The following CSMD1 variants were observed in gnomAD, a reference collection of about 807,000 sequenced individuals.
CSMD1 encodes CUB and Sushi multiple domains 1.
CSMD1 carries 213 observed loss-of-function variants against 417.5 expected under a neutral mutation model. That is an observed-to-expected ratio of 0.51 (90% CI 0.46 to 0.57). The LOEUF (loss-of-function observed/expected upper bound fraction) is 0.57, where lower values mean the gene tolerates loss of function less well. Among genes scored for constraint, CSMD1 ranks in the 20% least tolerant of loss-of-function variants. The pLI, the probability that CSMD1 is intolerant of heterozygous loss-of-function variation, is 0.00. For missense variants in CSMD1, 6,923 were observed against 4,529.7 expected (o/e 1.53, Z -15.17); for synonymous variants, 2,862 against 1,736.8 (o/e 1.65, Z -16.11).
intron 2 of CSMD1, among the ~76,000 whole-genome samples, chr8:4,538,162 C>T (rs536154100): frequency 2.6e-5 from 4 of 150,962 alleles, no homozygotes; most frequent in South Asian, 2.1e-4. Flanking sequence ...ACCATGACTC[C>T]GGTGTAACAT....
chr8:3,267,142 A>C (rs1383757373), intron 26 of CSMD1, among the ~76,000 whole-genome samples: 2 of 152,164 alleles, frequency 1.3e-5, no homozygotes, highest in Non-Finnish European at 2.9e-5. Context: ...GTCCCGCGGC[A>C]GCCAGCGGGA....
intron 3 of CSMD1, among the ~76,000 whole-genome samples, chr8:4,180,599 T>G (rs899502477): frequency 2.0e-5 from 3 of 148,066 alleles, no homozygotes; most frequent in Non-Finnish European, 4.5e-5. Context: ...AAAGAAAAAA[T>G]AAAATAAAAT....
intron 31 of CSMD1, among the ~76,000 whole-genome samples, chr8:3,202,657 T>C (rs1166185472): frequency 6.6e-6 from 1 of 152,192 alleles, no homozygotes; most frequent in Non-Finnish European, 1.5e-5. Context: ...AAACAAGAAA[T>C]GGAGGTGTGT....
chr8:3,775,487 G>C (rs1480067269), intron 5 of CSMD1, among the ~76,000 whole-genome samples: 3 of 152,096 alleles, frequency 2.0e-5, no homozygotes, highest in East Asian at 1.9e-4. Flanking sequence ...AAGGACACGG[G>C]GTGAAGTTAT....
At chr8:3,877,455 C>T (rs1805900543) in intron 5 of CSMD1, among the ~76,000 whole-genome samples, 2 of 152,284 alleles carry the variant, frequency 1.3e-5, no homozygotes, top group Admixed American at 1.3e-4. Context: ...CTTAATCTAG[C>T]AGGCCCTACA....
At chr8:3,143,679 T>C (rs986982850) in intron 40 of CSMD1, among the ~76,000 whole-genome samples, 1 of 152,224 alleles carries the variant, frequency 6.6e-6, no homozygotes, top group African/African-American at 2.4e-5. Flanking sequence ...CTAACAGCAG[T>C]TGTAGAGTGT....
chr8:3,983,660 C>G (rs768104660), intron 5 of CSMD1, among the ~76,000 whole-genome samples: 8 of 152,196 alleles, frequency 5.3e-5, no homozygotes, highest in Non-Finnish European at 8.8e-5. Flanking sequence ...TGATAGAGAT[C>G]ATGTGGAGTG....
At chr8:4,260,068 A>C (rs1478906519) in intron 3 of CSMD1, among the ~76,000 whole-genome samples, 1 of 151,850 alleles carries the variant, frequency 6.6e-6, no homozygotes, top group Non-Finnish European at 1.5e-5. Flanking sequence ...GTGTTGTCTT[A>C]GAGATCACAA....
chr8:3,619,972 G>C (rs989607596), intron 7 of CSMD1, among the ~76,000 whole-genome samples: 1 of 152,102 alleles, frequency 6.6e-6, no homozygotes, highest in African/African-American at 2.4e-5. Context: ...CATGGTGGCA[G>C]GCACCTGTAA....
chr8:4,327,822 A>G (rs898985166), intron 3 of CSMD1, among the ~76,000 whole-genome samples: 1 of 152,234 alleles, frequency 6.6e-6, no homozygotes, highest in Non-Finnish European at 1.5e-5. Context: ...CTGTAAGTAT[A>G]AAGTAAGGTA....
rs557501987 is a variant in CSMD1, at chr8:3,271,722, T to G, written c.4153+12422A>C. On this transcript the variant is annotated intron_variant, in intron 26 of 69. Transcript: ENST00000635120. ...TTCATGTGTTTTTTGGCTGCATAAA[T>G]GTCTTCTTTTGAGAAGTGTCTGTTC... 8.1e-3 allele frequency among the ~76,000 whole-genome samples: 1,234 copies of G among 152,326 alleles called. 8 individuals are homozygous for G. Among genetic ancestry groups the G allele is most frequent in the Middle Eastern group, 0.02 (6 of 294 alleles).
chr8:4,077,731 C>T (rs1163449362), intron 3 of CSMD1, among the ~76,000 whole-genome samples: 1 of 152,176 alleles, frequency 6.6e-6, no homozygotes, highest in Non-Finnish European at 1.5e-5. Flanking sequence ...CAAATTTGCT[C>T]TTTATTCTCT....
chr8:3,709,759 T>G lies in CSMD1; in HGVS notation c.932-1268A>C, dbSNP rs184485898. Among the ~76,000 whole-genome samples, 11 of 138,350 alleles carry G rather than the reference T, an allele frequency of 8.0e-5. 1 individual carries two copies. In the East Asian group the frequency reaches 2.5e-3, roughly 31 times the overall value. 90.8% of individuals were successfully genotyped at this position (138,350 alleles called of 152,430 possible). ...AGCTAAAACACCGGCTTTCCTGGTC[T>G]CCAACTTGCTGACTTACCCCTTTCA... is the stretch of plus-strand genomic sequence containing the variant. On this transcript the variant is annotated intron_variant, in intron 6 of 69. Coordinates refer to ENST00000635120, the MANE Select transcript of CSMD1 (RefSeq NM_033225.6).
At chr8:4,862,832 C>T (rs1332839426) in intron 1 of CSMD1, among the ~76,000 whole-genome samples, 3 of 152,014 alleles carry the variant, frequency 2.0e-5, no homozygotes, top group African/African-American at 4.8e-5. Context: ...AGTTGAAGAC[C>T]TCCCAAGTGT....
At chr8:3,505,390 G>C (rs535679782) in intron 10 of CSMD1, among the ~76,000 whole-genome samples, 4 of 152,150 alleles carry the variant, frequency 2.6e-5, no homozygotes, top group Non-Finnish European at 4.4e-5. Context: ...AAAAGATATT[G>C]AAGTTTCTTG....
At chr8:3,544,356 T>C (rs942845740) in intron 10 of CSMD1, among the ~76,000 whole-genome samples, 1 of 152,136 alleles carries the variant, frequency 6.6e-6, no homozygotes, top group African/African-American at 2.4e-5. Flanking sequence ...TCACAAACCC[T>C]TGTAGCAAAG....
intron 3 of CSMD1, among the ~76,000 whole-genome samples, chr8:4,275,218 G>A (rs1008947276): frequency 2.0e-5 from 3 of 151,990 alleles, no homozygotes; most frequent in African/African-American, 4.8e-5. Context: ...TGTCTAGTTT[G>A]TTTTTATTGA....
chr8:2,988,509 T>C (rs182161814), intron 54 of CSMD1, among the ~76,000 whole-genome samples: 22 of 152,230 alleles, frequency 1.4e-4, no homozygotes, highest in Admixed American at 1.3e-3. Flanking sequence ...TAGTGACACA[T>C]AGTTTAGAAT....
In CSMD1 at chr8:3,642,281, T is replaced by G. The variant is rs570093275; in HGVS notation, c.1010-25484A>C. Among the ~76,000 whole-genome samples, 7 of 152,094 alleles carry G rather than the reference T, an allele frequency of 4.6e-5. No homozygotes were observed. The South Asian group carries it at 6.3e-4, about 14-fold the overall frequency. On this transcript the variant is annotated intron_variant, in intron 7 of 69. Coordinates refer to ENST00000635120, the MANE Select transcript of CSMD1 (RefSeq NM_033225.6). ...CTTAAGGACTTGACTAATAGTAAAT[T>G]CACTGTGAAAAAGAGATCAGAAAGA...
Sources: allele counts gnomAD v4.1 joint callset (sites outside exome capture counted in the v4.1 genomes callset), GRCh38; gene constraint gnomAD v4.1.1; transcripts MANE v1.5; gene names NCBI Gene and HGNC (gene_info 2026-07-23, HGNC 2026-07-21).